Variants in CCSER1 observed in about 807,000 individuals in gnomAD.
CCSER1 encodes the protein serine-rich coiled-coil domain-containing protein 1.
Under a neutral mutation model 82.0 loss-of-function variants are expected in CCSER1, and 41 were observed. The observed-to-expected ratio is 0.50, with a 90% CI of 0.39 to 0.65. The LOEUF (loss-of-function observed/expected upper bound fraction) is 0.65. Among genes scored for constraint, CCSER1 ranks in the 30% least tolerant of loss-of-function variants. The probability of loss-of-function intolerance (pLI) is 0.00; values close to 1 mark genes in which losing one functional copy is unlikely to be tolerated. For missense variants in CCSER1, 1,119 were observed against 1,064.2 expected (o/e 1.05, Z -0.72); for synonymous variants, 414 against 383.9 (o/e 1.08, Z -0.92).
intron 10 of CCSER1, among the ~76,000 whole-genome samples, chr4:91,181,434 T>C (rs1350123807): frequency 6.6e-6 from 1 of 152,228 alleles, no homozygotes; most frequent in East Asian, 1.9e-4. Flanking sequence ...TAAGGTCAGG[T>C]GTGCCTGGGA....
At chr4:90,984,373 C>T (rs1221155119) in intron 9 of CCSER1, among the ~76,000 whole-genome samples, 2 of 151,700 alleles carry the variant, frequency 1.3e-5, no homozygotes, top group Admixed American at 1.3e-4. Context: ...TAACTTGATT[C>T]TAGTTGCAAG....
At chr4:91,234,460 C>A (rs1738852295) in intron 10 of CCSER1, among the ~76,000 whole-genome samples, 1 of 152,034 alleles carries the variant, frequency 6.6e-6, no homozygotes, top group Non-Finnish European at 1.5e-5. Context: ...CAATTTTAAC[C>A]CCAGAGGAAA....
chr4:90,891,518 CTTT>C (rs1434994827), intron 8 of CCSER1, among the ~76,000 whole-genome samples: 1 of 151,806 alleles, frequency 6.6e-6, no homozygotes, highest in African/African-American at 2.4e-5. Flanking sequence ...CAAGAAATTA[CTTT>C]GATAAATACT....
intron 3 of CCSER1, among the ~76,000 whole-genome samples, chr4:90,342,942 C>T (rs1007867254): frequency 6.6e-6 from 1 of 151,774 alleles, no homozygotes; most frequent in Admixed American, 6.6e-5. Flanking sequence ...GTTGCCTTCT[C>T]TAGTATCTTT....
chr4:91,129,954 T>A (rs1381514662), intron 10 of CCSER1: 4 of 152,012 alleles, frequency 2.6e-5, no homozygotes, highest in African/African-American at 9.7e-5. Context: ...TTTCAACATG[T>A]CTCCAAATTG....
chr4:91,523,802 T>G (rs562496757), intron 10 of CCSER1, among the ~76,000 whole-genome samples: 1 of 152,336 alleles, frequency 6.6e-6, no homozygotes, highest in Admixed American at 6.5e-5. Context: ...CTATCAATTT[T>G]GTTCATCTTT....
intron 7 of CCSER1, among the ~76,000 whole-genome samples, chr4:90,739,300 C>T (rs1022796393): frequency 1.2e-4 from 18 of 152,334 alleles, no homozygotes; most frequent in African/African-American, 4.3e-4. Context: ...CAGGTCTCTG[C>T]CTGTTGCCCT....
chr4:90,713,862 T>C (rs1718652525), intron 6 of CCSER1, among the ~76,000 whole-genome samples: 1 of 151,998 alleles, frequency 6.6e-6, no homozygotes, highest in Admixed American at 6.6e-5. Context: ...TTTTCTTTAT[T>C]CTTGTCTTCC....
chr4:90,657,535 C>T (rs1428195268), intron 6 of CCSER1, among the ~76,000 whole-genome samples: 1 of 151,870 alleles, frequency 6.6e-6, no homozygotes, highest in African/African-American at 2.4e-5. Flanking sequence ...CACCGTATAC[C>T]GTGTCATTAA....
chr4:91,260,534 T>C (rs6834447), intron 10 of CCSER1, among the ~76,000 whole-genome samples: 30,821 of 152,096 alleles, frequency 0.2, 3,455 homozygotes, highest in East Asian at 0.34. Flanking sequence ...CAGAATTACA[T>C]TCTGTTTGAT....
At chr4:91,046,892 T>C (rs965980006) in intron 9 of CCSER1, among the ~76,000 whole-genome samples, 16 of 152,018 alleles carry the variant, frequency 1.1e-4, no homozygotes, top group Admixed American at 4.6e-4. Context: ...TAATTTTTTG[T>C]ATTTTAGTAG....
Position 91,301,954 on chromosome 4 carries a change from TCTTCTTTCCTTCTTTCCTTCCTTC to T in CCSER1, c.2217+215965_2217+215988del, listed in dbSNP as rs1352956539. On this transcript the variant is annotated intron_variant, in intron 10 of 10. Coordinates refer to ENST00000509176, the MANE Select transcript of CCSER1 (RefSeq NM_001145065.2). ...AGTTACTCTATGTCCTTCCTTCCTT[TCTTCTTTCCTTCTTTCCTTCCTTC>T]CTTCCTTCGTTTATTTCCTTTTTCC... 1.7e-4 allele frequency among the ~76,000 whole-genome samples: 26 copies of T among 150,482 alleles called. No homozygotes were observed. In the East Asian group the frequency reaches 3.4e-3, roughly 20 times the overall value.
chr4:90,769,024 G>A (rs190697988), intron 7 of CCSER1, among the ~76,000 whole-genome samples: 90 of 151,902 alleles, frequency 5.9e-4, no homozygotes, highest in Non-Finnish European at 1.0e-3. Flanking sequence ...TGAAAGTGAG[G>A]GTATACATAA....
chr4:90,988,438 TG>T (rs1736762385), intron 9 of CCSER1, among the ~76,000 whole-genome samples: 1 of 151,398 alleles, frequency 6.6e-6, no homozygotes, highest in Admixed American at 6.6e-5. Flanking sequence ...TTGATTTTTT[TG>T]TTCTTATCCT....
At chr4:91,328,443 G>C (rs931169788) in intron 10 of CCSER1, among the ~76,000 whole-genome samples, 1 of 152,140 alleles carries the variant, frequency 6.6e-6, no homozygotes, top group African/African-American at 2.4e-5. Context: ...ACTATCACAA[G>C]AACAGCAAAG....
intron 10 of CCSER1, among the ~76,000 whole-genome samples, chr4:91,546,494 C>T (rs1380479933): frequency 6.6e-6 from 1 of 151,874 alleles, no homozygotes; most frequent in Admixed American, 6.6e-5. Flanking sequence ...ATTAATTGAT[C>T]CATTTCATCC....
chr4:90,559,497 A>G (rs1778481854), intron 5 of CCSER1, among the ~76,000 whole-genome samples: 1 of 152,152 alleles, frequency 6.6e-6, no homozygotes, highest in African/African-American at 2.4e-5. Flanking sequence ...GGCTGCCTTG[A>G]GGAGAGGAAG....
chr4:90,468,138 C>A lies in CCSER1; in HGVS notation c.1604-96C>A. 28 of 1,049,290 alleles carry A rather than the reference C, an allele frequency of 2.7e-5. 1 individual carries two copies. Among genetic ancestry groups the A allele is most frequent in the South Asian group, 4.8e-5 (2 of 41,426 alleles). 65.0% of individuals were successfully genotyped at this position (1,049,290 alleles called of 1,614,324 possible). Reference sequence around the variant, plus strand: ...AATTAATGTTTTATTAGAATTAGATCTTTTATTAGACTAAATATAGAAAGG... The same window carrying A: ...AATTAATGTTTTATTAGAATTAGATATTTTATTAGACTAAATATAGAAAGG... On this transcript the variant is annotated intron_variant, in intron 4 of 10. Transcript: ENST00000509176.
At chr4:90,314,837 C>CTT (rs765931168) in intron 3 of CCSER1, among the ~76,000 whole-genome samples, 1,312 of 87,604 alleles carry the variant, frequency 0.015, 376 homozygotes, top group Non-Finnish European at 0.023. Flanking sequence ...CTCAGATTTA[C>CTT]TTTTTTTTTT....
Sources: allele counts gnomAD v4.1 joint callset (sites outside exome capture counted in the v4.1 genomes callset), GRCh38; gene constraint gnomAD v4.1.1; transcripts MANE v1.5; gene names NCBI Gene and HGNC (gene_info 2026-07-23, HGNC 2026-07-21).